The following AK9 variants were observed in gnomAD, a reference collection of about 807,000 sequenced individuals.
AK9 encodes the protein adenylate kinase 9.
AK9 carries 191 observed loss-of-function variants against 239.6 expected under a neutral mutation model. That is an observed-to-expected ratio of 0.80 (90% confidence interval 0.71 to 0.90). AK9 has a LOEUF of 0.90. AK9 is among the 40% of genes least tolerant of loss of function. AK9 has a pLI of 0.00. For synonymous variants in AK9, 689 were observed against 721.0 expected, an observed-to-expected ratio of 0.96 and a Z score of 0.71; for missense variants, 1,995 against 2,214.7, an observed-to-expected ratio of 0.90 and a Z score of 1.99.
chr6:109,675,102 CAGG>C (rs145565882), intron 2 of AK9, among the ~76,000 whole-genome samples: 2,232 of 152,256 alleles, frequency 0.015, 57 homozygotes, highest in African/African-American at 0.051. Context: ...CAGATATTAA[CAGG>C]AGAACCTCCT....
chr6:109,542,216 G>C (rs202139261), intron 26 of AK9, 45 bp from the exon 27 acceptor site: 613 of 1,511,988 alleles, frequency 4.1e-4, no homozygotes, highest in Non-Finnish European at 5.2e-4. Flanking sequence ...AAAACTCTAT[G>C]CTAATAATTG....
chr6:109,576,674 T>C (rs1788132486), intron 20 of AK9, among the ~76,000 whole-genome samples: 1 of 152,108 alleles, frequency 6.6e-6, no homozygotes, highest in African/African-American at 2.4e-5. Context: ...ATGCTCTTTA[T>C]TTCTTTCTTT....
intron 21 of AK9, among the ~76,000 whole-genome samples, chr6:109,570,029 C>T (rs1398642705): frequency 6.6e-6 from 1 of 152,110 alleles, no homozygotes; most frequent in African/African-American, 2.4e-5. Context: ...TGGAACCAAC[C>T]CAAATGTCCA....
intron 8 of AK9, among the ~76,000 whole-genome samples, chr6:109,646,136 G>T (rs1304583111): frequency 6.6e-6 from 1 of 152,178 alleles, no homozygotes; most frequent in Non-Finnish European, 1.5e-5. Flanking sequence ...AAGATGGGGA[G>T]AAACCAGAGC....
intron 1 of AK9, among the ~76,000 whole-genome samples, chr6:109,679,186 C>T (rs188906324): frequency 2.3e-4 from 35 of 152,310 alleles, no homozygotes; most frequent in African/African-American, 7.9e-4. Context: ...CCACAGAACC[C>T]AGCAAGCTAA....
chr6:109,609,367 A>G (rs1793303027), intron 17 of AK9, among the ~76,000 whole-genome samples: 1 of 152,140 alleles, frequency 6.6e-6, no homozygotes, highest in South Asian at 2.1e-4. Flanking sequence ...GCACATGATA[A>G]CTCAGTTATT....
At chr6:109,539,187 T>G (rs1363381308) in intron 27 of AK9, among the ~76,000 whole-genome samples, 2 of 152,190 alleles carry the variant, frequency 1.3e-5, no homozygotes, top group African/African-American at 4.8e-5. Context: ...CTGGATAATA[T>G]CCTGCAGTGT....
intron 27 of AK9, among the ~76,000 whole-genome samples, chr6:109,535,280 C>A (rs900432335): frequency 1.1e-4 from 16 of 152,086 alleles, no homozygotes; most frequent in African/African-American, 3.4e-4. Context: ...GTTTCCTGAC[C>A]TTTTAATGAT....
intron 28 of AK9, among the ~76,000 whole-genome samples, chr6:109,531,085 T>C (rs1297775083): frequency 1.3e-5 from 2 of 152,132 alleles, no homozygotes; most frequent in Non-Finnish European, 2.9e-5. Context: ...AGATACGGGA[T>C]TGCCAAAGCA....
Position 109,675,772 on chromosome 6 carries a change from G to T in AK9, c.-11-16C>A. Reference sequence around the variant, plus strand: ...ACACAAAATACTACAATAAAAAAGGGTAAGATTGTTAACTTGTCTAATTTG... The same window carrying T: ...ACACAAAATACTACAATAAAAAAGGTTAAGATTGTTAACTTGTCTAATTTG... On this transcript the variant is annotated splice_polypyrimidine_tract_variant and intron_variant, in intron 1 of 40. Coordinates refer to ENST00000424296, the MANE Select transcript of AK9 (RefSeq NM_001145128.3). 7.0e-7 allele frequency: 1 copy of T among 1,434,982 alleles called. No homozygotes were observed. Among genetic ancestry groups the T allele is most frequent in the Non-Finnish European group, 9.6e-7 (1 of 1,045,340 alleles). The allele number at this position is 1,434,982 out of a possible 1,614,324, so 88.9% of individuals were successfully genotyped here.
intron 15 of AK9, among the ~76,000 whole-genome samples, chr6:109,613,905 G>A (rs1453553601): frequency 6.6e-6 from 1 of 151,970 alleles, no homozygotes; most frequent in Non-Finnish European, 1.5e-5. Context: ...AAGAATTTAT[G>A]ATATGATAAT....
intron 8 of AK9, 30 bp downstream of exon 8, chr6:109,656,726 T>C (rs755998200): frequency 6.5e-7 from 1 of 1,544,442 alleles, no homozygotes; most frequent in Non-Finnish European, 8.9e-7. Context: ...AATATCAATA[T>C]TCATTTTCAG....
intron 1 of AK9, among the ~76,000 whole-genome samples, chr6:109,676,788 T>G (rs1470524399): frequency 1.3e-5 from 2 of 152,048 alleles, no homozygotes; most frequent in Non-Finnish European, 2.9e-5. Flanking sequence ...TTTGCACACA[T>G]GCACACATAT....
chr6:109,584,484 A>G (rs1035217479), intron 19 of AK9, among the ~76,000 whole-genome samples: 2 of 152,190 alleles, frequency 1.3e-5, no homozygotes, highest in Non-Finnish European at 2.9e-5. Context: ...AGAATTTTTT[A>G]GTAAGGAAGA....
intron 1 of AK9, among the ~76,000 whole-genome samples, chr6:109,690,937 G>A (rs1451791204): frequency 1.3e-5 from 2 of 152,144 alleles, no homozygotes. Context: ...CTGACACTCA[G>A]TGAAGGACCG....
At chr6:109,639,199 T>C (rs1019984959) in intron 10 of AK9, among the ~76,000 whole-genome samples, 1 of 152,224 alleles carries the variant, frequency 6.6e-6, no homozygotes, top group Non-Finnish European at 1.5e-5. Flanking sequence ...ATGATATTTC[T>C]AGTTCTAGAT....
chr6:109,546,531 T>C (rs1431265103), intron 25 of AK9, among the ~76,000 whole-genome samples: 2 of 152,176 alleles, frequency 1.3e-5, no homozygotes, highest in Non-Finnish European at 2.9e-5. Flanking sequence ...ATTACAGTAA[T>C]CTCAGGACTC....
chr6:109,680,421 A>C (rs1202838700), intron 1 of AK9, among the ~76,000 whole-genome samples: 1 of 152,204 alleles, frequency 6.6e-6, no homozygotes, highest in Non-Finnish European at 1.5e-5. Context: ...AATAAAAAGG[A>C]ACAAACAAAG....
At chr6:109,526,600 G>A (rs1011604290) in intron 29 of AK9, among the ~76,000 whole-genome samples, 7 of 152,034 alleles carry the variant, frequency 4.6e-5, no homozygotes, top group Non-Finnish European at 7.4e-5. Context: ...GAGAAGTGAC[G>A]GAAGAGGAAA....
Sources: allele counts gnomAD v4.1 joint callset (sites outside exome capture counted in the v4.1 genomes callset), GRCh38; gene constraint gnomAD v4.1.1; transcripts MANE v1.5; gene names NCBI Gene and HGNC (gene_info 2026-07-23, HGNC 2026-07-21).